EMSY: variants seen among roughly 807,000 people sequenced by gnomAD.
The protein encoded by EMSY is EMSY transcriptional repressor, BRCA2 interacting.
Under a neutral mutation model 134.6 loss-of-function variants are expected in EMSY, and 26 were observed. The observed-to-expected ratio is 0.19, with a 90% confidence interval of 0.14 to 0.27. EMSY has a LOEUF of 0.27. Among genes scored for constraint, EMSY ranks in the 10% least tolerant of loss-of-function variants. The probability of loss-of-function intolerance (pLI) is 1.00; values close to 1 mark genes in which losing one functional copy is unlikely to be tolerated. For synonymous variants in EMSY, 579 were observed against 577.8 expected (o/e 1.00, Z -0.03); for missense variants, 1,305 against 1,611.4 (o/e 0.81, Z 3.26).
At chr11:76,542,263 C>T (rs1471887006) in exon 18 of EMSY, 2 of 1,614,116 alleles carry the variant, frequency 1.2e-6, no homozygotes, top group Middle Eastern at 1.6e-4. Flanking sequence ...CCAGCGGACC[C>T]TGCTCCAGCA....
intron 12 of EMSY, among the ~76,000 whole-genome samples, chr11:76,524,884 G>C (rs1341562533): frequency 1.3e-5 from 2 of 152,132 alleles, no homozygotes; most frequent in Non-Finnish European, 2.9e-5. Flanking sequence ...TTAGCGTGAA[G>C]GTGTGCACCT....
chr11:76,483,797 G>A lies in EMSY; in HGVS notation c.1108+10957G>A, dbSNP rs1029813323. Among the ~76,000 whole-genome samples, 5 of 152,050 alleles carry A rather than the reference G, an allele frequency of 3.3e-5. No homozygotes were observed. The East Asian group carries it at 7.7e-4, about 23-fold the overall frequency. ...AGACTTAGACTCCCACACAATAATA[G>A]TGGGAGACTTTAACACCCCACTGTC... On this transcript the variant is annotated intron_variant, in intron 8 of 20. Transcript: ENST00000334736.
At chr11:76,511,890 G>A (rs1950290520) in intron 9 of EMSY, among the ~76,000 whole-genome samples, 1 of 151,978 alleles carries the variant, frequency 6.6e-6, no homozygotes, top group Non-Finnish European at 1.5e-5. Context: ...CTTAACAACA[G>A]CCTTATGAGG....
At chr11:76,458,217 A>G (rs1325324268) in exon 5 of EMSY, 5 of 1,613,970 alleles carry the variant, frequency 3.1e-6, no homozygotes, top group Non-Finnish European at 4.2e-6. Flanking sequence ...AGAATGGTCC[A>G]TTGAAGGTCG....
chr11:76,463,629 CA>C (rs567081751), intron 6 of EMSY, among the ~76,000 whole-genome samples, 191 bp from the exon 8 acceptor site: 1,639 of 94,806 alleles, frequency 0.017, 25 homozygotes, highest in East Asian at 0.13. Context: ...GACTCCGTCT[CA>C]AAAAAAAAAA....
intron 14 of EMSY, 137 bp downstream of exon 15, chr11:76,528,603 T>C (rs553408789): frequency 1.7e-6 from 1 of 592,210 alleles, no homozygotes; most frequent in Admixed American, 3.7e-5. Flanking sequence ...TTTTTTTTTT[T>C]ATTGTTTGAT....
intron 9 of EMSY, among the ~76,000 whole-genome samples, chr11:76,512,682 T>C (rs1950319223): frequency 6.7e-6 from 1 of 149,068 alleles, no homozygotes; most frequent in South Asian, 2.1e-4. Flanking sequence ...GGAAAGTCAA[T>C]GTAACAATTA....
intron 8 of EMSY, among the ~76,000 whole-genome samples, chr11:76,482,413 C>T (rs1207960971): frequency 6.6e-6 from 1 of 152,158 alleles, no homozygotes; most frequent in Non-Finnish European, 1.5e-5. Flanking sequence ...GATGAATTGA[C>T]AGAAGTAGGC....
intron 15 of EMSY, among the ~76,000 whole-genome samples, 161 bp from the exon 17 acceptor site, chr11:76,537,634 A>C (rs1249711251): frequency 2.0e-5 from 3 of 152,256 alleles, no homozygotes; most frequent in African/African-American, 7.2e-5. Flanking sequence ...TGCACTAAAC[A>C]GCCATACATA....
At chr11:76,499,153 G>T (rs1666678500) in intron 9 of EMSY, among the ~76,000 whole-genome samples, 1 of 152,084 alleles carries the variant, frequency 6.6e-6, no homozygotes, top group African/African-American at 2.4e-5. Flanking sequence ...GTAGAGACAG[G>T]GTTTTACCAT....
chr11:76,502,114 A>G (rs1309806255), intron 9 of EMSY, among the ~76,000 whole-genome samples: 1 of 151,134 alleles, frequency 6.6e-6, no homozygotes, highest in Non-Finnish European at 1.5e-5. Flanking sequence ...AAAAATGAAG[A>G]AAGACTTTAC....
At chr11:76,527,793 A>G (rs894601511) in intron 13 of EMSY, among the ~76,000 whole-genome samples, 17 of 151,862 alleles carry the variant, frequency 1.1e-4, no homozygotes, top group African/African-American at 3.9e-4. Flanking sequence ...AAAAAAGAAA[A>G]GAAAAAAAAC....
At chr11:76,507,786 G>C (rs1217228016) in intron 9 of EMSY, among the ~76,000 whole-genome samples, 2 of 151,782 alleles carry the variant, frequency 1.3e-5, no homozygotes, top group East Asian at 3.9e-4. Context: ...GATTGACTTT[G>C]CCCAAATCCA....
intron 7 of EMSY, among the ~76,000 whole-genome samples, chr11:76,469,742 C>G (rs1948499774): frequency 6.6e-6 from 1 of 152,144 alleles, no homozygotes; most frequent in South Asian, 2.1e-4. Context: ...CCCAGAGATT[C>G]CAACATGTCC....
At chr11:76,448,658 T>G (rs1947521295) in intron 2 of EMSY, among the ~76,000 whole-genome samples, 1 of 151,978 alleles carries the variant, frequency 6.6e-6, no homozygotes, top group Non-Finnish European at 1.5e-5. Context: ...AATATCATCT[T>G]CATTGACCCC....
chr11:76,453,000 G>C (rs891968298), intron 3 of EMSY, among the ~76,000 whole-genome samples: 1 of 152,164 alleles, frequency 6.6e-6, no homozygotes, highest in African/African-American at 2.4e-5. Flanking sequence ...TAGATAGCAG[G>C]AAGCTCTGCT....
intron 8 of EMSY, among the ~76,000 whole-genome samples, chr11:76,483,754 T>C (rs977581044): frequency 3.3e-5 from 5 of 152,024 alleles, no homozygotes; most frequent in African/African-American, 1.2e-4. Flanking sequence ...TAAAGCAAGT[T>C]CTTAGAGACC....
chr11:76,477,373 A>T (rs1335707370), intron 8 of EMSY, among the ~76,000 whole-genome samples: 1 of 151,592 alleles, frequency 6.6e-6, no homozygotes, highest in Non-Finnish European at 1.5e-5. Context: ...TAGTTCCAAA[A>T]TCAAATCCAC....
chr11:76,523,704 CTTTTTTTT>C (rs746491659), intron 12 of EMSY, among the ~76,000 whole-genome samples: 1 of 80,536 alleles, frequency 1.2e-5, no homozygotes, highest in Non-Finnish European at 2.3e-5. Context: ...TTGTTACTTT[CTTTTTTTT>C]TTTTTTTTTT....
Sources: gnomAD v4.1 joint callset for allele counts (sites outside exome capture counted in the v4.1 genomes callset) on GRCh38, gnomAD v4.1.1 for gene constraint, MANE v1.5 for transcripts, NCBI Gene and HGNC (gene_info 2026-07-23, HGNC 2026-07-21) for gene names.